Variants in PCDHGB4 observed in about 807,000 individuals in gnomAD.
PCDHGB4 encodes the protein protocadherin gamma-B4.
In PCDHGB4, 38 loss-of-function variants were observed where a neutral mutation model predicts 60.5. The observed-to-expected ratio is 0.63, with a 90% confidence interval of 0.48 to 0.82. The LOEUF (loss-of-function observed/expected upper bound fraction) is 0.82, where lower values mean the gene tolerates loss of function less well. Among genes scored for constraint, PCDHGB4 ranks in the 40% least tolerant of loss-of-function variants. The pLI is 0.00. For missense variants in PCDHGB4, 1,109 were observed against 1,209.6 expected, an observed-to-expected ratio of 0.92 and a Z score of 1.23; for synonymous variants, 456 against 509.7, an observed-to-expected ratio of 0.89 and a Z score of 1.42.
chr5:141,419,370 A>T, intron 1 of PCDHGB4: 1 of 1,613,692 alleles, frequency 6.2e-7, no homozygotes, highest in Non-Finnish European at 8.5e-7. Context: ...CTGTCGTCCT[A>T]CGTGTCCGTG....
chr5:141,409,942 C>G, intron 1 of PCDHGB4: 2 of 1,613,284 alleles, frequency 1.2e-6, no homozygotes, highest in Non-Finnish European at 1.7e-6. Context: ...TGGTACCTCG[C>G]TCTGCAGAGC....
chr5:141,410,897 A>G (rs1276742953), intron 1 of PCDHGB4: 1 of 273,412 alleles, frequency 3.7e-6, no homozygotes, highest in African/African-American at 3.4e-5. Flanking sequence ...ACTGTTGCCT[A>G]GGCTGGAGTG....
rs1049831420 is a variant in PCDHGB4 at position 141,486,549 on chromosome 5, C to T, written c.2398-8258C>T. ...AATCCACCCTCTTTCTTTCAGAGGTCACATGAGGTGTTTGTTCCTGAGAAC... is the reference window on the plus strand; with the variant it reads ...AATCCACCCTCTTTCTTTCAGAGGTTACATGAGGTGTTTGTTCCTGAGAAC... On this transcript the variant is annotated intron_variant, in intron 1 of 3. Coordinates refer to ENST00000519479, the MANE Select transcript of PCDHGB4 (RefSeq NM_003736.4). This position sits in a 1 kb window ranked among gnomAD's most constrained non-coding sequence, Gnocchi z 5.0. The T allele has an allele frequency of 3.1e-6, 5 of 1,613,982 alleles. No individual in the cohort carries two copies. In the African/African-American group the frequency reaches 4.0e-5, roughly 13 times the overall value.
rs569220332 is a variant in PCDHGB4, at chr5:141,475,688, A to G, written c.2398-19119A>G. 2.0e-5 allele frequency among the ~76,000 whole-genome samples: 3 copies of G among 152,330 alleles called. No homozygotes were observed. In the South Asian group the frequency reaches 6.2e-4, roughly 32 times the overall value. On this transcript the variant is annotated intron_variant, in intron 1 of 3. Coordinates refer to ENST00000519479, the MANE Select transcript of PCDHGB4 (RefSeq NM_003736.4). ...TTTAATGAGTCTTGATTTGGATTGG[A>G]GACTTGCAGAACGGCTAGCCTCACA...
At chr5:141,505,015 A>G (rs965107997) in intron 2 of PCDHGB4, among the ~76,000 whole-genome samples, 1 of 152,160 alleles carries the variant, frequency 6.6e-6, no homozygotes, top group Admixed American at 6.5e-5. Flanking sequence ...TACAAAAATT[A>G]GCCTGGCACA....
At chr5:141,414,283 G>T in intron 1 of PCDHGB4, 1 of 1,613,520 alleles carries the variant, frequency 6.2e-7, no homozygotes, top group Non-Finnish European at 8.5e-7. Flanking sequence ...GGGAACAGTC[G>T]TAGCCCTTTT....
intron 1 of PCDHGB4, chr5:141,399,055 GA>G: frequency 7.4e-6 from 12 of 1,613,844 alleles, no homozygotes; most frequent in Non-Finnish European, 1.0e-5. Context: ...AGAGACCAAG[GA>G]ATATTCAATG....
intron 1 of PCDHGB4, among the ~76,000 whole-genome samples, chr5:141,458,215 T>C (rs2098940075): frequency 1.3e-5 from 2 of 152,174 alleles, no homozygotes; most frequent in African/African-American, 2.4e-5. Context: ...TTAAAATAAG[T>C]TTCCTTTCCC....
At chr5:141,410,142 G>C in intron 1 of PCDHGB4, 1 of 1,612,730 alleles carries the variant, frequency 6.2e-7, no homozygotes, top group African/African-American at 1.3e-5. Context: ...GTCGCTGTGC[G>C]TGACGGTGGA....
chr5:141,389,520 C>T lies in PCDHGB4; in HGVS notation c.1636C>T (p.Leu546=). The part of the protein sequence containing the change: ...GSPALSANVS[L]RVLVDDRNDN... ...GCCAGCGCTCAGCGCGAACGTGAGC[C>T]TGCGCGTGTTAGTGGACGACCGCAA... The change falls in exon 1 of 4, where the codon CTG becomes TTG. Residue 546 remains leucine, a synonymous_variant. Coordinates refer to ENST00000519479, the MANE Select transcript of PCDHGB4 (RefSeq NM_003736.4). 6.2e-7 allele frequency: 1 copy of T among 1,613,184 alleles called. No homozygotes were observed. Among genetic ancestry groups the T allele is most frequent in the Non-Finnish European group, 8.5e-7 (1 of 1,179,752 alleles).
Position 141,485,156 on chromosome 5 carries a change from A to G in PCDHGB4, c.2398-9651A>G. The G allele has an allele frequency of 6.3e-7, 1 of 1,599,118 alleles. No homozygotes were observed. The highest frequency in any genetic ancestry group is 8.6e-7 in the Non-Finnish European group (1 of 1,168,318). On this transcript the variant is annotated intron_variant, in intron 1 of 3. Transcript: ENST00000519479. The surrounding 1 kb of genome is among the most constrained non-coding windows in gnomAD (Gnocchi z 5.7). ...ATCCGCGTCTCAGGAGCAAGTAGAG[A>G]ATTAGCGGGCGGCAGCAATGCTCCG... is the stretch of plus-strand genomic sequence containing the variant.
chr5:141,491,126 G>A lies in PCDHGB4; in HGVS notation c.2398-3681G>A, dbSNP rs768294944. 1.4e-5 allele frequency: 23 copies of A among 1,613,978 alleles called. No individual in the cohort carries two copies. In the East Asian group the frequency reaches 3.1e-4, roughly 22 times the overall value. On this transcript the variant is annotated intron_variant, in intron 1 of 3. Transcript: ENST00000519479. This position sits in a 1 kb window ranked among gnomAD's most constrained non-coding sequence, Gnocchi z 6.9. ...GTGTCTACACACACTGGTGAGGTGCGCACAGCCCGGGCCTTACTGGAGGAT... is the reference window on the plus strand; with the variant it reads ...GTGTCTACACACACTGGTGAGGTGCACACAGCCCGGGCCTTACTGGAGGAT...
intron 1 of PCDHGB4, chr5:141,399,579 C>T: frequency 6.2e-7 from 1 of 1,614,026 alleles, no homozygotes; most frequent in South Asian, 1.1e-5. Context: ...GCCAAGTCTC[C>T]TACTCTATCA....
At chr5:141,418,743 A>G in intron 1 of PCDHGB4, 5 of 1,613,954 alleles carry the variant, frequency 3.1e-6, no homozygotes, top group African/African-American at 1.3e-5. Context: ...TTCTCTCTGG[A>G]TTACACTACA....
chr5:141,494,194 G>A (rs1446357035), intron 1 of PCDHGB4, among the ~76,000 whole-genome samples: 2 of 152,182 alleles, frequency 1.3e-5, no homozygotes, highest in Non-Finnish European at 2.9e-5. Flanking sequence ...GGACTTGGAT[G>A]CCCCGCAAAG....
At position 141,432,579 on chromosome 5, in the gene PCDHGB4, G is replaced by A. The variant is rs769224543; in HGVS notation, c.2397+42298G>A. 6.2e-7 allele frequency: 1 copy of A among 1,613,860 alleles called. No homozygotes were observed. Among genetic ancestry groups the A allele is most frequent in the Non-Finnish European group, 8.5e-7 (1 of 1,179,984 alleles). On this transcript the variant is annotated intron_variant, in intron 1 of 3. Transcript: ENST00000519479. The surrounding 1 kb of genome is among the most constrained non-coding windows in gnomAD (Gnocchi z 6.0). ...GGCCAGAACGCCTGGCTGTCCTACC[G>A]TCTGCTCAAGGCCAGCGAGCCGGGA...
chr5:141,443,207 C>T (rs907169095), intron 1 of PCDHGB4, among the ~76,000 whole-genome samples: 5 of 152,064 alleles, frequency 3.3e-5, no homozygotes, highest in African/African-American at 1.2e-4. Context: ...AAGAGCTTGT[C>T]TCGCCAGGCG....
At chr5:141,420,817 A>G (rs547074952) in intron 1 of PCDHGB4, among the ~76,000 whole-genome samples, 2 of 152,354 alleles carry the variant, frequency 1.3e-5, no homozygotes, top group South Asian at 2.1e-4. Flanking sequence ...AGCCCTTTTA[A>G]TAATTACTCC....
Position 141,417,921 on chromosome 5 carries a change from T to G in PCDHGB4, c.2397+27640T>G, listed in dbSNP as rs771406905. 7.5e-6 allele frequency: 12 copies of G among 1,607,746 alleles called. No homozygotes were observed. The Admixed American group carries it at 1.7e-4, about 23-fold the overall frequency. On this transcript the variant is annotated intron_variant, in intron 1 of 3. Transcript: ENST00000519479. ...CCGCGGCAGGTACTATTTCCTTTGC[T>G]GCTGCCTTTGTTCTACCCCACGCTG...
Sources: allele counts gnomAD v4.1 joint callset (sites outside exome capture counted in the v4.1 genomes callset), GRCh38; gene constraint gnomAD v4.1.1; non-coding constraint Gnocchi (gnomAD v3.1); transcripts MANE v1.5; gene names NCBI Gene and HGNC (gene_info 2026-07-23, HGNC 2026-07-21).